KCNC1: variants seen among roughly 807,000 people sequenced by gnomAD.
KCNC1 encodes potassium voltage-gated channel subfamily C member 1.
A neutral mutation model predicts 43.4 loss-of-function variants in KCNC1; 8 were observed. That is an observed-to-expected ratio of 0.18 (90% CI 0.11 to 0.33). KCNC1 has a LOEUF of 0.33. Among genes scored for constraint, KCNC1 ranks in the 10% least tolerant of loss-of-function variants. KCNC1 has a pLI of 1.00. For synonymous variants in KCNC1, 361 were observed against 360.5 expected, an observed-to-expected ratio of 1.00 and a Z score of -0.01; for missense variants, 420 against 836.0, an observed-to-expected ratio of 0.50 and a Z score of 6.14.
chr11:17,781,974 T>A lies in KCNC1; in HGVS notation c.*240T>A, dbSNP rs942205076. On this transcript the variant is annotated 3_prime_UTR_variant, in exon 4 of 4. Coordinates refer to ENST00000265969, the MANE Select transcript of KCNC1 (RefSeq NM_001112741.2). The surrounding 1 kb of genome is among the most constrained non-coding windows in gnomAD (Gnocchi z 5.1). ...TTTTATTTTATTTGGGGAGGGGGGG[T>A]GGAGGGGCTCCTTAGCATGACTTGC... is the stretch of plus-strand genomic sequence containing the variant. 2.2e-6 allele frequency: 1 copy of A among 445,992 alleles called. No individual in the cohort carries two copies. The highest frequency in any genetic ancestry group is 4.1e-5 in the Admixed American group (1 of 24,502). The allele number at this position is 445,992 out of a possible 1,614,324, so 27.6% of individuals were successfully genotyped here. A position where few individuals can be genotyped will look rare whatever the true frequency, so the allele number is the denominator to read the frequency against.
At position 17,781,511 on chromosome 11, in the gene KCNC1, G is replaced by T; in HGVS notation, c.1694-159G>T. ...GGAGAGAAAGAGGCGTGCTAGGCTG[G>T]CTCAGTGCATGGGCAAACCAAGCCA... On this transcript the variant is annotated intron_variant, in intron 3 of 3. Transcript: ENST00000265969. This position sits in a 1 kb window ranked among gnomAD's most constrained non-coding sequence, Gnocchi z 5.1. 1 of 610,748 alleles carries T rather than the reference G, an allele frequency of 1.6e-6. No individual in the cohort carries two copies. The highest frequency in any genetic ancestry group is 2.9e-4 in the Middle Eastern group (1 of 3,392). 37.8% of individuals were successfully genotyped at this position (610,748 alleles called of 1,614,324 possible).
intron 1 of KCNC1, among the ~76,000 whole-genome samples, chr11:17,753,166 T>C (rs1848987644): frequency 6.6e-6 from 1 of 152,210 alleles, no homozygotes; most frequent in East Asian, 1.9e-4. Flanking sequence ...CGAAGGTGTC[T>C]GGGCCACCCC....
At chr11:17,767,659 G>A (rs78513383) in intron 1 of KCNC1, among the ~76,000 whole-genome samples, 14,563 of 152,284 alleles carry the variant, frequency 0.096, 889 homozygotes, top group Non-Finnish European at 0.15. Flanking sequence ...CACTCTAAGC[G>A]TCCCTTGGGA....
At chr11:17,765,566 C>T (rs576285015) in intron 1 of KCNC1, among the ~76,000 whole-genome samples, 165 of 152,338 alleles carry the variant, frequency 1.1e-3, no homozygotes, top group African/African-American at 3.8e-3. Context: ...GCTCTGTTGC[C>T]ATGGCGACCA....
At chr11:17,755,190 A>T (rs1381477469) in intron 1 of KCNC1, among the ~76,000 whole-genome samples, 1 of 152,104 alleles carries the variant, frequency 6.6e-6, no homozygotes, top group African/African-American at 2.4e-5. Context: ...TGTCTGGCAT[A>T]TTTGAGGAAC....
rs1565152891 is a variant in KCNC1 at position 17,736,551 on chromosome 11, G to A, written c.549G>A (p.Pro183=). 1.9e-6 allele frequency: 3 copies of A among 1,557,918 alleles called. No individual in the cohort carries two copies. Among genetic ancestry groups the A allele is most frequent in the Admixed American group, 2.0e-5 (1 of 51,264 alleles). ...GCATCTGGGCGCTCTTCGAGGACCC[G>A]TACTCGTCCCGCTACGCGCGGGTAA... ...QPRIWALFED[P]YSSRYARYVA... The change falls in exon 1 of 4, where the codon CCG becomes CCA. Residue 183 remains proline, a synonymous_variant. Coordinates refer to ENST00000265969, the MANE Select transcript of KCNC1 (RefSeq NM_001112741.2). This position sits in a 1 kb window ranked among gnomAD's most constrained non-coding sequence, Gnocchi z 9.3.
intron 1 of KCNC1, among the ~76,000 whole-genome samples, chr11:17,745,896 T>C (rs918543201): frequency 6.6e-6 from 1 of 152,194 alleles, no homozygotes. Context: ...CACCATCTGA[T>C]GTACTATATA....
chr11:17,749,233 A>T (rs1440457251), intron 1 of KCNC1, among the ~76,000 whole-genome samples: 1 of 152,258 alleles, frequency 6.6e-6, no homozygotes, highest in Admixed American at 6.5e-5. Flanking sequence ...GAAGGCAATA[A>T]GTCACAGAAG....
intron 1 of KCNC1, among the ~76,000 whole-genome samples, chr11:17,750,167 G>A (rs1251372147): frequency 6.6e-6 from 1 of 152,184 alleles, no homozygotes; most frequent in Non-Finnish European, 1.5e-5. Flanking sequence ...GCTGTGGTGG[G>A]TCTCAGAGGG....
chr11:17,774,901 C>T, intron 2 of KCNC1: 1 of 985,494 alleles, frequency 1.0e-6, no homozygotes, highest in Non-Finnish European at 1.2e-6. Context: ...CTCACCAGAA[C>T]ACTTCTCCCT....
At position 17,772,475 on chromosome 11, in the gene KCNC1, C is replaced by T; in HGVS notation, c.1381C>T (p.Pro461Ser). Residue 461 changes from proline (P) to serine (S), a missense_variant, in exon 2 of 4, where the codon CCG (proline) becomes TCG (serine). By Grantham distance (74) the Pro-to-Ser change is moderately conservative. Transcript: ENST00000265969. ...ACCAAAGAAAAAAAAGAAGCATATT[C>T]CGCGGCCACCGCAGCTGGGATCTCC... ...KLPKKKKKHI[P>S]RPPQLGSPNY... is the part of the protein sequence containing the mutation. 6.2e-7 allele frequency: 1 copy of T among 1,614,212 alleles called. No homozygotes were observed.
chr11:17,746,982 G>A (rs1356074231), intron 1 of KCNC1, among the ~76,000 whole-genome samples: 1 of 152,198 alleles, frequency 6.6e-6, no homozygotes, highest in Non-Finnish European at 1.5e-5. Flanking sequence ...CATAGTAAGT[G>A]CTTAATTGTT....
intron 1 of KCNC1, among the ~76,000 whole-genome samples, chr11:17,769,407 GA>G (rs1849196325): frequency 6.6e-6 from 1 of 151,924 alleles, no homozygotes; most frequent in Non-Finnish European, 1.5e-5. Context: ...TGTATGGATG[GA>G]AAGAAGGAAG....
chr11:17,768,418 C>T (rs2133802331), intron 1 of KCNC1, among the ~76,000 whole-genome samples: 1 of 152,154 alleles, frequency 6.6e-6, no homozygotes, highest in African/African-American at 2.4e-5. Context: ...CAAATGAGGC[C>T]AGGACGTGGA....
Position 17,779,220 on chromosome 11 carries a change from C to A in KCNC1, c.1505-236C>A. ...AACTCATCTTTTTGCAAACTTTGAG[C>A]AAACCCAGGAGTCCCCACTCCCAGC... is the stretch of plus-strand genomic sequence containing the variant. On this transcript the variant is annotated intron_variant, in intron 2 of 3. Transcript: ENST00000265969. The surrounding 1 kb of genome is among the most constrained non-coding windows in gnomAD (Gnocchi z 7.2). 2.3e-6 allele frequency: 1 copy of A among 441,154 alleles called. No homozygotes were observed. The highest frequency in any genetic ancestry group is 3.6e-5 in the East Asian group (1 of 28,084). The allele number at this position is 441,154 out of a possible 1,614,324, so 27.3% of individuals were successfully genotyped here.
chr11:17,744,345 C>T (rs562637646), intron 1 of KCNC1, among the ~76,000 whole-genome samples: 2 of 152,278 alleles, frequency 1.3e-5, no homozygotes, highest in Admixed American at 6.5e-5. Context: ...TGTGAGCAAT[C>T]CTGGCAAAGG....
Position 17,779,499 on chromosome 11 carries a change from C to T in KCNC1, c.1548C>T (p.Asn516=), listed in dbSNP as rs1338589874. 21 of 1,550,496 alleles carry T rather than the reference C, an allele frequency of 1.4e-5. No homozygotes were observed. Among genetic ancestry groups the T allele is most frequent in the Non-Finnish European group, 1.5e-5 (17 of 1,146,668 alleles). The change falls in exon 3 of 4, where the codon AAC becomes AAT. Residue 516 remains asparagine, a synonymous_variant. Coordinates refer to ENST00000265969, the MANE Select transcript of KCNC1 (RefSeq NM_001112741.2). The surrounding 1 kb of genome is among the most constrained non-coding windows in gnomAD (Gnocchi z 7.2). ...NGEVAKAALA[N]EDCPHIDQAL... ...AGGTGGCGAAGGCCGCGCTGGCGAA[C>T]GAAGACTGCCCCCACATAGACCAGG...
chr11:17,761,193 G>A (rs548989148), intron 1 of KCNC1, among the ~76,000 whole-genome samples: 61 of 152,350 alleles, frequency 4.0e-4, no homozygotes, highest in African/African-American at 1.3e-3. Flanking sequence ...CTGCACTGGC[G>A]GTTCCCACCA....
At chr11:17,751,791 G>T (rs1321628821) in intron 1 of KCNC1, among the ~76,000 whole-genome samples, 1 of 152,220 alleles carries the variant, frequency 6.6e-6, no homozygotes, top group Non-Finnish European at 1.5e-5. Flanking sequence ...AGCCTGAAGG[G>T]CAGTCAGTGA....
Sources: allele counts gnomAD v4.1 joint callset (sites outside exome capture counted in the v4.1 genomes callset), GRCh38; gene constraint gnomAD v4.1.1; non-coding constraint Gnocchi (gnomAD v3.1); transcripts MANE v1.5; gene names NCBI Gene and HGNC (gene_info 2026-07-23, HGNC 2026-07-21).